Variants in PDS5B observed in about 807,000 individuals in gnomAD.
The protein encoded by PDS5B is PDS5 cohesin associated factor B, also known as sister chromatid cohesion protein PDS5 homolog B.
Under a neutral mutation model 184.1 loss-of-function variants are expected in PDS5B, and 51 were observed. The ratio of observed to expected loss-of-function variants is 0.28; its 90% CI spans 0.22 to 0.35. The LOEUF is 0.35. Ranked by LOEUF, PDS5B falls within the 10% of genes least tolerant of loss-of-function variation. The probability of loss-of-function intolerance (pLI) is 1.00; values close to 1 mark genes in which losing one functional copy is unlikely to be tolerated. For synonymous variants in PDS5B, 566 were observed against 569.2 expected (o/e 0.99, Z 0.08); for missense variants, 1,180 against 1,723.3 (o/e 0.68, Z 5.58).
At chr13:32,626,687 A>G (rs905949875) in intron 1 of PDS5B, among the ~76,000 whole-genome samples, 4 of 152,094 alleles carry the variant, frequency 2.6e-5, no homozygotes, top group Admixed American at 2.6e-4. Context: ...ACTTACATCT[A>G]TTGGAATCTC....
At chr13:32,620,009 G>T (rs532623414) in intron 1 of PDS5B, among the ~76,000 whole-genome samples, 7 of 152,184 alleles carry the variant, frequency 4.6e-5, no homozygotes, top group Admixed American at 1.3e-4. Context: ...ATGTTGGCCA[G>T]GCTGGTTTCT....
chr13:32,680,186 G>T (rs1216984724), intron 10 of PDS5B, among the ~76,000 whole-genome samples: 1 of 151,892 alleles, frequency 6.6e-6, no homozygotes, highest in Non-Finnish European at 1.5e-5. Context: ...AAGAGTGGGG[G>T]GGCTAAATCA....
At chr13:32,640,396 G>A (rs1049351866) in intron 1 of PDS5B, among the ~76,000 whole-genome samples, 32 of 152,010 alleles carry the variant, frequency 2.1e-4, no homozygotes, top group African/African-American at 7.2e-4. Context: ...ACAGGCATGC[G>A]CCACCATGCC....
intron 1 of PDS5B, among the ~76,000 whole-genome samples, chr13:32,616,181 G>A (rs946556186): frequency 2.0e-5 from 3 of 151,844 alleles, no homozygotes; most frequent in Non-Finnish European, 2.9e-5. Context: ...AGCCTCCCTA[G>A]TAGCTGGGAT....
At chr13:32,765,540 T>C (rs1954556429) in intron 31 of PDS5B, among the ~76,000 whole-genome samples, 1 of 152,254 alleles carries the variant, frequency 6.6e-6, no homozygotes, top group Non-Finnish European at 1.5e-5. Flanking sequence ...TTTTCATGTT[T>C]CTCCAATAAC....
At chr13:32,739,935 G>A (rs1223907456) in intron 21 of PDS5B, among the ~76,000 whole-genome samples, 1 of 151,998 alleles carries the variant, frequency 6.6e-6, no homozygotes, top group East Asian at 1.9e-4. Context: ...CTACCTGATA[G>A]TCTCTGTTGT....
At chr13:32,724,195 C>T (rs549469289) in intron 19 of PDS5B, among the ~76,000 whole-genome samples, 11 of 152,180 alleles carry the variant, frequency 7.2e-5, no homozygotes, top group South Asian at 4.2e-4. Flanking sequence ...TAGCTCACTG[C>T]GGCCTTGAAC....
At chr13:32,703,820 G>A (rs1593465862) in intron 17 of PDS5B, among the ~76,000 whole-genome samples, 2 of 152,018 alleles carry the variant, frequency 1.3e-5, no homozygotes, top group East Asian at 3.9e-4. Flanking sequence ...AAAAATTTTT[G>A]TGTTTCAAAT....
chr13:32,688,349 G>T, intron 12 of PDS5B, 107 bp from the exon 13 acceptor site: 1 of 563,924 alleles, frequency 1.8e-6, no homozygotes, highest in Non-Finnish European at 3.1e-6. Context: ...CACTTAGAGC[G>T]GCAGGAACTT....
At position 32,776,475 on chromosome 13, in the gene PDS5B, T is replaced by C. The variant is rs1954961536; in HGVS notation, c.*1423T>C. 6.6e-6 allele frequency: 1 copy of C among 152,080 alleles called. No homozygotes were observed. Among genetic ancestry groups the C allele is most frequent in the African/African-American group, 2.4e-5 (1 of 41,438 alleles). The allele number at this position is 152,080 out of a possible 1,614,324, so 9.4% of individuals were successfully genotyped here. A position where few individuals can be genotyped will look rare whatever the true frequency, so the allele number is the denominator to read the frequency against. On this transcript the variant is annotated 3_prime_UTR_variant, in exon 35 of 35. Coordinates refer to ENST00000315596, the MANE Select transcript of PDS5B (RefSeq NM_015032.4). ...TGTAGAAATAAATTACTTAAGGCAG[T>C]ATCCTTTATACAGTTGTATAAACTG... is the stretch of plus-strand genomic sequence containing the variant.
At chr13:32,599,442 T>G (rs1261305514) in intron 1 of PDS5B, among the ~76,000 whole-genome samples, 1 of 151,640 alleles carries the variant, frequency 6.6e-6, no homozygotes, top group East Asian at 2.0e-4. Flanking sequence ...TTTTTCGTAT[T>G]TTTAGTAGAG....
chr13:32,748,965 T>C (rs1371163906), intron 24 of PDS5B, among the ~76,000 whole-genome samples: 1 of 152,160 alleles, frequency 6.6e-6, no homozygotes, highest in Non-Finnish European at 1.5e-5. Flanking sequence ...ACCAAGACTG[T>C]TGGGAATCTT....
At chr13:32,644,918 T>C (rs1950181380) in intron 1 of PDS5B, among the ~76,000 whole-genome samples, 1 of 152,222 alleles carries the variant, frequency 6.6e-6, no homozygotes, top group South Asian at 2.1e-4. Context: ...TATGAATATA[T>C]TGCTGCATTT....
At chr13:32,627,342 CTT>C (rs1364859726) in intron 1 of PDS5B, among the ~76,000 whole-genome samples, 1 of 152,208 alleles carries the variant, frequency 6.6e-6, no homozygotes, top group Non-Finnish European at 1.5e-5. Flanking sequence ...ATGGAGTCAA[CTT>C]TGTAGAATTA....
intron 9 of PDS5B, among the ~76,000 whole-genome samples, chr13:32,676,622 G>A (rs984118739): frequency 2.6e-5 from 4 of 152,056 alleles, no homozygotes; most frequent in African/African-American, 4.8e-5. Context: ...AACAAATAAT[G>A]CAGTTAAGTC....
chr13:32,706,855 C>A lies in PDS5B; in HGVS notation c.1857-79C>A, dbSNP rs187967792. ...TCGGATATGTATATATGTATGTGCACATATATGTAACACAGGATTATTTTT... is the reference window on the plus strand; with the variant it reads ...TCGGATATGTATATATGTATGTGCAAATATATGTAACACAGGATTATTTTT... On this transcript the variant is annotated intron_variant, in intron 17 of 34. Transcript: ENST00000315596. 1.1e-3 allele frequency: 906 copies of A among 806,006 alleles called. 1 individual carries two copies. The highest frequency in any genetic ancestry group is 1.6e-3 in the Admixed American group (70 of 44,222). 49.9% of individuals were successfully genotyped at this position (806,006 alleles called of 1,614,324 possible).
At chr13:32,670,216 TTTG>T (rs1219289149) in intron 7 of PDS5B, among the ~76,000 whole-genome samples, 2 of 152,074 alleles carry the variant, frequency 1.3e-5, no homozygotes, top group Admixed American at 6.5e-5. Flanking sequence ...TGTATTAAAA[TTTG>T]TTGTTGTTGT....
intron 6 of PDS5B, among the ~76,000 whole-genome samples, chr13:32,664,204 G>T (rs927722369): frequency 6.6e-6 from 1 of 152,082 alleles, no homozygotes; most frequent in South Asian, 2.1e-4. Flanking sequence ...AGTGGAATAA[G>T]ACAAGACATA....
intron 23 of PDS5B, among the ~76,000 whole-genome samples, chr13:32,744,329 ATATT>A (rs1953669489): frequency 1.3e-5 from 2 of 152,252 alleles, no homozygotes; most frequent in South Asian, 4.1e-4. Flanking sequence ...ACATTCAGGA[ATATT>A]TAGGGGCAGC....
Sources: gnomAD v4.1 joint callset for allele counts (sites outside exome capture counted in the v4.1 genomes callset) on GRCh38, gnomAD v4.1.1 for gene constraint, MANE v1.5 for transcripts, NCBI Gene and HGNC (gene_info 2026-07-23, HGNC 2026-07-21) for gene names.